The following SLC36A1 variants were observed in gnomAD, a reference collection of about 807,000 sequenced individuals.
SLC36A1 encodes the protein proton-coupled amino acid transporter 1.
SLC36A1 carries 30 observed loss-of-function variants against 47.5 expected under a neutral mutation model. The ratio of observed to expected loss-of-function variants is 0.63; its 90% CI spans 0.47 to 0.86. The LOEUF (loss-of-function observed/expected upper bound fraction) is 0.86. SLC36A1 is among the 40% of genes least tolerant of loss of function. SLC36A1 has a pLI of 0.00. For missense variants in SLC36A1, 517 were observed against 606.0 expected, an observed-to-expected ratio of 0.85 and a Z score of 1.54; for synonymous variants, 255 against 249.7, an observed-to-expected ratio of 1.02 and a Z score of -0.20.
At chr5:151,469,854 T>C (rs947760932) in intron 7 of SLC36A1, among the ~76,000 whole-genome samples, 1 of 151,924 alleles carries the variant, frequency 6.6e-6, no homozygotes, top group Non-Finnish European at 1.5e-5. Context: ...AGGTGAATAT[T>C]ATCTCATTTT....
chr5:151,394,365 G>A, the SLC36A1 span, among the ~76,000 whole-genome samples: 22 of 152,280 alleles, frequency 1.4e-4, no homozygotes, highest in African/African-American at 3.8e-4. Flanking sequence ...CCTTTAGCTC[G>A]GAGAAGTTTG....
At chr5:151,505,960 G>C in the SLC36A1 span, 6 of 1,574,018 alleles carry the variant, frequency 3.8e-6, no homozygotes, top group Admixed American at 2.0e-5. Flanking sequence ...AGGCCATTAG[G>C]CTCTGGCATC....
At chr5:151,371,975 A>G in the SLC36A1 span, among the ~76,000 whole-genome samples, 1 of 152,200 alleles carries the variant, frequency 6.6e-6, no homozygotes, top group Non-Finnish European at 1.5e-5. Flanking sequence ...TTAATAGCAC[A>G]TTAACAACAT....
the SLC36A1 span, among the ~76,000 whole-genome samples, chr5:151,399,330 G>A: frequency 6.6e-6 from 1 of 151,622 alleles, no homozygotes; most frequent in South Asian, 2.1e-4. Context: ...CAGGTGATCT[G>A]CCCACCTCGG....
the SLC36A1 span, among the ~76,000 whole-genome samples, chr5:151,514,201 A>C: frequency 1.3e-5 from 2 of 152,250 alleles, no homozygotes; most frequent in Admixed American, 1.3e-4. Flanking sequence ...GGTAAATAGA[A>C]AACCAACACA....
the SLC36A1 span, chr5:151,554,730 G>A: frequency 7.5e-7 from 1 of 1,337,692 alleles, no homozygotes; most frequent in Non-Finnish European, 1.0e-6. Context: ...TAGTGACTAT[G>A]CTTTAACAAC....
the SLC36A1 span, among the ~76,000 whole-genome samples, chr5:151,515,549 T>A: frequency 6.6e-6 from 1 of 152,304 alleles, no homozygotes; most frequent in East Asian, 1.9e-4. Flanking sequence ...AAACCTTGTA[T>A]CCACCCATAC....
At chr5:151,536,821 AATCCT>A in the SLC36A1 span, among the ~76,000 whole-genome samples, 1 of 152,128 alleles carries the variant, frequency 6.6e-6, no homozygotes, top group East Asian at 1.9e-4. Context: ...CACCTGCCTA[AATCCT>A]CCAGTGGCTC....
the SLC36A1 span, among the ~76,000 whole-genome samples, chr5:151,397,708 G>A: frequency 7.5e-6 from 1 of 132,752 alleles, no homozygotes. Flanking sequence ...AAGTTGCAGT[G>A]AGCTGAGATC....
chr5:151,528,892 T>C, the SLC36A1 span, among the ~76,000 whole-genome samples: 1 of 152,276 alleles, frequency 6.6e-6, no homozygotes, highest in Admixed American at 6.5e-5. Flanking sequence ...CTGGGGTCTG[T>C]CTCTTTTTCT....
At chr5:151,387,473 G>C in the SLC36A1 span, among the ~76,000 whole-genome samples, 4 of 152,220 alleles carry the variant, frequency 2.6e-5, no homozygotes, top group Non-Finnish European at 4.4e-5. Flanking sequence ...CAAGTGGCAA[G>C]AGTCTCACTC....
chr5:151,465,023 C>G, intron 4 of SLC36A1, 51 bp from the exon 5 acceptor site: 1 of 1,430,934 alleles, frequency 7.0e-7, no homozygotes, highest in Non-Finnish European at 9.9e-7. Flanking sequence ...CTGTCATTGT[C>G]ATTGTCTAAT....
the SLC36A1 span, chr5:151,531,621 G>C: frequency 1.2e-6 from 2 of 1,613,194 alleles, no homozygotes; most frequent in Non-Finnish European, 1.7e-6. The surrounding 1 kb of genome is among the most constrained non-coding windows in gnomAD (Gnocchi z 5.7). Flanking sequence ...TGCCTTGCTC[G>C]TTCCCGCTGA....
At chr5:151,357,462 T>A in the SLC36A1 span, among the ~76,000 whole-genome samples, 1 of 152,260 alleles carries the variant, frequency 6.6e-6, no homozygotes, top group African/African-American at 2.4e-5. Context: ...ACAAGCTGAA[T>A]GATAGGCCTT....
the SLC36A1 span, among the ~76,000 whole-genome samples, chr5:151,368,135 T>G: frequency 6.6e-6 from 1 of 152,202 alleles, no homozygotes; most frequent in Non-Finnish European, 1.5e-5. Flanking sequence ...ACTGGATTGA[T>G]CATTGACTAA....
the SLC36A1 span, among the ~76,000 whole-genome samples, chr5:151,417,329 T>C: frequency 6.6e-6 from 1 of 152,206 alleles, no homozygotes; most frequent in Non-Finnish European, 1.5e-5. Flanking sequence ...CTGACAGTGA[T>C]GTGGACGATG....
intron 10 of SLC36A1, among the ~76,000 whole-genome samples, chr5:151,483,691 G>A (rs1034932784): frequency 6.6e-6 from 1 of 152,196 alleles, no homozygotes. Flanking sequence ...TGCTTCTGGA[G>A]TTAGTTAAAG....
chr5:151,505,865 A>C, the SLC36A1 span: 1 of 1,608,250 alleles, frequency 6.2e-7, no homozygotes. Flanking sequence ...AGGGCATCAG[A>C]TCTTCCAGGT....
chr5:151,467,347 T>G (rs1274195639), intron 6 of SLC36A1, 64 bp downstream of exon 6: 3 of 1,155,010 alleles, frequency 2.6e-6, no homozygotes, highest in Non-Finnish European at 3.7e-6. Flanking sequence ...AAAAGATGAT[T>G]GAAGTTTTTG....
Sources: allele counts gnomAD v4.1 joint callset (sites outside exome capture counted in the v4.1 genomes callset), GRCh38; gene constraint gnomAD v4.1.1; non-coding constraint Gnocchi (gnomAD v3.1); transcripts MANE v1.5; gene names NCBI Gene and HGNC (gene_info 2026-07-23, HGNC 2026-07-21).